SLC22A4: variants seen among roughly 807,000 people sequenced by gnomAD.
SLC22A4 encodes the protein ET transporter.
In SLC22A4, 39 loss-of-function variants were observed where a neutral mutation model predicts 56.6. The ratio of observed to expected loss-of-function variants is 0.69; its 90% CI spans 0.53 to 0.90. SLC22A4 has a LOEUF of 0.90. SLC22A4 is among the 40% of genes least tolerant of loss of function. The pLI, the probability that SLC22A4 is intolerant of heterozygous loss-of-function variation, is 0.00. For synonymous variants in SLC22A4, 241 were observed against 281.4 expected, an observed-to-expected ratio of 0.86 and a Z score of 1.44; for missense variants, 594 against 696.5, an observed-to-expected ratio of 0.85 and a Z score of 1.66.
intron 2 of SLC22A4, 39 bp from the exon 3 acceptor site, chr5:132,313,575 C>G: frequency 6.2e-7 from 1 of 1,605,978 alleles, no homozygotes; most frequent in Non-Finnish European, 8.5e-7. Context: ...CCTTGGCAAC[C>G]TACACATCTC....
intron 1 of SLC22A4, among the ~76,000 whole-genome samples, chr5:132,306,384 AATAT>A (rs55779142): frequency 1.7e-3 from 51 of 30,546 alleles, no homozygotes; most frequent in Non-Finnish European, 2.0e-3. Context: ...CAAACCGTGA[AATAT>A]ATATATATAT....
chr5:132,324,743 C>G (rs1027196612), intron 4 of SLC22A4: 2 of 363,600 alleles, frequency 5.5e-6, no homozygotes, highest in Admixed American at 3.6e-5. Flanking sequence ...ATGAGACAAG[C>G]TCTCCAGCAA....
At chr5:132,321,354 G>GT (rs1208993583) in intron 3 of SLC22A4, among the ~76,000 whole-genome samples, 1 of 152,184 alleles carries the variant, frequency 6.6e-6, no homozygotes, top group Non-Finnish European at 1.5e-5. Flanking sequence ...TCAGGCATGG[G>GT]TAAGTGTGCC....
At chr5:132,323,402 G>A (rs906539260) in intron 4 of SLC22A4, among the ~76,000 whole-genome samples, 4 of 152,212 alleles carry the variant, frequency 2.6e-5, no homozygotes, top group African/African-American at 9.7e-5. Flanking sequence ...CCTGTCTGAC[G>A]AGATAGCGCA....
intron 5 of SLC22A4, 22 bp from the exon 6 acceptor site, chr5:132,331,734 A>G: frequency 1.3e-6 from 2 of 1,534,886 alleles, no homozygotes; most frequent in South Asian, 1.1e-5. Flanking sequence ...TCTCATGGTT[A>G]TTTGCATTAT....
At chr5:132,335,069 C>T (rs1216694069) in intron 7 of SLC22A4, 137 bp downstream of exon 7, 2 of 719,012 alleles carry the variant, frequency 2.8e-6, no homozygotes, top group Non-Finnish European at 5.0e-6. Flanking sequence ...GGTGATTGCT[C>T]ACTACGTATG....
chr5:132,340,739 T>C lies in SLC22A4; in HGVS notation c.1580+39T>C, dbSNP rs776191128. The C allele has an allele frequency of 1.9e-6, 3 of 1,589,344 alleles. No individual in the cohort carries two copies. The South Asian group carries it at 3.3e-5, about 18-fold the overall frequency. On this transcript the variant is annotated intron_variant, in intron 9 of 9. Coordinates refer to ENST00000200652, the MANE Select transcript of SLC22A4 (RefSeq NM_003059.3). ...TTAACAAAATGATACCAAAATGCCT[T>C]AGGGAGAATAAGCATGGAAGAATAG...
chr5:132,337,363 C>T (rs1751056921), intron 8 of SLC22A4, among the ~76,000 whole-genome samples: 1 of 151,028 alleles, frequency 6.6e-6, no homozygotes, highest in Admixed American at 6.6e-5. Flanking sequence ...GCCTCAATCC[C>T]CCAGGCTCAA....
intron 5 of SLC22A4, among the ~76,000 whole-genome samples, chr5:132,328,049 G>A (rs937157996): frequency 2.0e-5 from 3 of 152,202 alleles, no homozygotes; most frequent in Non-Finnish European, 4.4e-5. Flanking sequence ...AACATAGAAT[G>A]TAACTAAGAT....
chr5:132,310,084 A>G (rs1219571724), intron 1 of SLC22A4, among the ~76,000 whole-genome samples: 4 of 152,266 alleles, frequency 2.6e-5, no homozygotes, highest in Non-Finnish European at 5.9e-5. Context: ...GTCTCCTGGT[A>G]TCACATTCCT....
At chr5:132,323,660 T>C (rs1426881070) in intron 4 of SLC22A4, among the ~76,000 whole-genome samples, 2 of 152,232 alleles carry the variant, frequency 1.3e-5, no homozygotes, top group African/African-American at 2.4e-5. Context: ...CATCCCAGAC[T>C]TACAAGAGCA....
At chr5:132,298,599 T>C (rs1749832268) in intron 1 of SLC22A4, among the ~76,000 whole-genome samples, 1 of 152,232 alleles carries the variant, frequency 6.6e-6, no homozygotes, top group Admixed American at 6.5e-5. Context: ...TGGTAAACTG[T>C]ATATTATGTG....
At chr5:132,331,672 A>C (rs550557147) in intron 5 of SLC22A4, 84 bp from the exon 6 acceptor site, 1 of 953,978 alleles carries the variant, frequency 1.0e-6, no homozygotes, top group African/African-American at 1.6e-5. Context: ...AGTTGCATGC[A>C]TAAGTTTTCC....
intron 4 of SLC22A4, chr5:132,324,452 A>AT (rs1310548504): frequency 2.1e-6 from 1 of 467,400 alleles, no homozygotes; most frequent in East Asian, 7.0e-5. Context: ...TTTTTCTTCT[A>AT]TTCCCCAGGA....
chr5:132,312,652 C>G (rs960739684), intron 2 of SLC22A4, among the ~76,000 whole-genome samples: 2 of 152,222 alleles, frequency 1.3e-5, no homozygotes, highest in East Asian at 3.9e-4. Context: ...TGCAAACAGC[C>G]AGCAGCCAGA....
chr5:132,320,783 G>C (rs1750509109), intron 3 of SLC22A4: 1 of 152,210 alleles, frequency 6.6e-6, no homozygotes, highest in Non-Finnish European at 1.5e-5. Context: ...CCTGTGCCTA[G>C]GGCATATAAA....
At chr5:132,307,472 C>A (rs993831648) in intron 1 of SLC22A4, among the ~76,000 whole-genome samples, 15 of 152,142 alleles carry the variant, frequency 9.9e-5, no homozygotes, top group African/African-American at 3.6e-4. Context: ...CTTAGAATTT[C>A]TTTCTCTTAG....
At chr5:132,298,941 C>T (rs1254803081) in intron 1 of SLC22A4, among the ~76,000 whole-genome samples, 1 of 152,202 alleles carries the variant, frequency 6.6e-6, no homozygotes, top group East Asian at 1.9e-4. Flanking sequence ...CAGTTCCAAG[C>T]CTCAGAGAAT....
chr5:132,299,426 TTTA>T (rs1302294512), intron 1 of SLC22A4, among the ~76,000 whole-genome samples: 6 of 149,962 alleles, frequency 4.0e-5, no homozygotes, highest in African/African-American at 1.5e-4. Flanking sequence ...TTTATTTTAT[TTTA>T]TTTTTTTGAG....
Sources: gnomAD v4.1 joint callset for allele counts (sites outside exome capture counted in the v4.1 genomes callset) on GRCh38, gnomAD v4.1.1 for gene constraint, MANE v1.5 for transcripts, NCBI Gene and HGNC (gene_info 2026-07-23, HGNC 2026-07-21) for gene names.